The following MGAT5 variants were observed in gnomAD, a reference collection of about 807,000 sequenced individuals.
MGAT5 encodes alpha-1,6-mannosylglycoprotein 6-beta-N-acetylglucosaminyltransferase.
A neutral mutation model predicts 94.3 loss-of-function variants in MGAT5; 30 were observed. That is an observed-to-expected ratio of 0.32 (90% CI 0.24 to 0.43). The LOEUF is 0.43. Among genes scored for constraint, MGAT5 ranks in the 20% least tolerant of loss-of-function variants. The pLI, the probability that MGAT5 is intolerant of heterozygous loss-of-function variation, is 1.00. For synonymous variants in MGAT5, 310 were observed against 322.9 expected (o/e 0.96, Z 0.43); for missense variants, 691 against 905.5 (o/e 0.76, Z 3.04).
chr2:134,406,477 T>C (rs1357076069), intron 11 of MGAT5, among the ~76,000 whole-genome samples: 1 of 152,216 alleles, frequency 6.6e-6, no homozygotes. Flanking sequence ...TGGGCAGGCC[T>C]GGCAAATATG....
intron 1 of MGAT5, among the ~76,000 whole-genome samples, chr2:134,239,331 C>T (rs200918765): frequency 2.9e-5 from 1 of 34,252 alleles, no homozygotes; most frequent in Non-Finnish European, 2.1e-4. Context: ...CTTGGGGTTT[C>T]CCCCTCAGTA....
At chr2:134,148,924 A>G (rs1687049266) in intron 1 of MGAT5, among the ~76,000 whole-genome samples, 1 of 151,706 alleles carries the variant, frequency 6.6e-6, no homozygotes, top group Non-Finnish European at 1.5e-5. Flanking sequence ...ACACCTAGCT[A>G]ATTTTTGTTT....
At chr2:134,208,558 G>T (rs1367148866) in intron 1 of MGAT5, among the ~76,000 whole-genome samples, 1 of 152,170 alleles carries the variant, frequency 6.6e-6, no homozygotes, top group Non-Finnish European at 1.5e-5. Flanking sequence ...GATAGGATAT[G>T]CCTTTATTCC....
intron 2 of MGAT5, among the ~76,000 whole-genome samples, chr2:134,279,766 T>C (rs183052742): frequency 1.3e-5 from 2 of 152,312 alleles, no homozygotes; most frequent in Admixed American, 1.3e-4. Flanking sequence ...TAATGAGGTA[T>C]GTGTATACAG....
At chr2:134,131,198 G>A (rs1055763654) in intron 1 of MGAT5, among the ~76,000 whole-genome samples, 1 of 152,158 alleles carries the variant, frequency 6.6e-6, no homozygotes, top group South Asian at 2.1e-4. Flanking sequence ...GAACATGTCC[G>A]AACATCAGAA....
chr2:134,277,890 T>A (rs1172291991), intron 2 of MGAT5, among the ~76,000 whole-genome samples: 1 of 152,258 alleles, frequency 6.6e-6, no homozygotes, highest in African/African-American at 2.4e-5. Context: ...TTGATCTTTT[T>A]GTGCCTCTGT....
Position 134,422,853 on chromosome 2 carries a change from G to T in MGAT5, c.1728G>T (p.Val576=). 1 of 1,613,984 alleles carries T rather than the reference G, an allele frequency of 6.2e-7. No homozygotes were observed. Among genetic ancestry groups the T allele is most frequent in the Non-Finnish European group, 8.5e-7 (1 of 1,179,878 alleles). ...AAGTTTTCATCGGGCGGCCACATGT[G>T]TGGACTGTTGACCTCAACAATCAGG... ...YAEVFIGRPH[V]WTVDLNNQEE... The change falls in exon 13 of 16, where the codon GTG becomes GTT. Residue 576 remains valine (V), a synonymous_variant. Transcript: ENST00000281923.
rs1686116056 is a variant in MGAT5, at chr2:134,451,656, A to T, written c.*2809A>T. ...TCCATGGGGAGAGAAATCCTAAGTT[A>T]TGATTAATGTTTTTCCCCGCTATAA... is the stretch of plus-strand genomic sequence containing the variant. On this transcript the variant is annotated 3_prime_UTR_variant, in exon 16 of 16. Coordinates refer to ENST00000281923, the MANE Select transcript of MGAT5 (RefSeq NM_002410.5). The T allele has an allele frequency of 6.6e-6, 1 of 152,246 alleles. No homozygotes were observed. The highest frequency in any genetic ancestry group is 2.4e-5 in the African/African-American group (1 of 41,464). 9.4% of individuals were successfully genotyped at this position (152,246 alleles called of 1,614,324 possible).
At chr2:134,217,587 A>G (rs1197423328) in intron 1 of MGAT5, among the ~76,000 whole-genome samples, 2 of 152,240 alleles carry the variant, frequency 1.3e-5, no homozygotes, top group Middle Eastern at 3.2e-3. Context: ...CATTCATTAA[A>G]GTCCTTCATT....
In MGAT5 at chr2:134,246,678, C is replaced by T. The variant is rs540885812; in HGVS notation, c.-142-7584C>T. 8.5e-5 allele frequency among the ~76,000 whole-genome samples: 13 copies of T among 152,356 alleles called. No individual in the cohort carries two copies. The South Asian group carries it at 2.5e-3, about 29-fold the overall frequency. On this transcript the variant is annotated intron_variant, in intron 1 of 16. Transcript: ENST00000409645. ...TTTGGTTTCTGTTTTGTGTTCCATACGGAGAGGTCTCTTCCTTTCTGAGTT... is the reference window on the plus strand; with the variant it reads ...TTTGGTTTCTGTTTTGTGTTCCATATGGAGAGGTCTCTTCCTTTCTGAGTT...
At chr2:134,388,271 C>T (rs1377606437) in intron 10 of MGAT5, among the ~76,000 whole-genome samples, 2 of 152,114 alleles carry the variant, frequency 1.3e-5, no homozygotes, top group Non-Finnish European at 2.9e-5. Context: ...AATGAGCCCC[C>T]ATGTACCTCT....
At chr2:134,197,184 A>G (rs55884301) in intron 1 of MGAT5, among the ~76,000 whole-genome samples, 27,169 of 152,028 alleles carry the variant, frequency 0.18, 2,905 homozygotes, top group African/African-American at 0.28. Context: ...GCAGGTATGT[A>G]TGCCCCAATA....
chr2:134,341,384 A>G (rs968501304), intron 6 of MGAT5, among the ~76,000 whole-genome samples: 4 of 152,202 alleles, frequency 2.6e-5, no homozygotes, highest in African/African-American at 9.6e-5. Flanking sequence ...TAGCCATACC[A>G]AGGGCTGCAG....
intron 12 of MGAT5, among the ~76,000 whole-genome samples, chr2:134,418,278 G>C: frequency 6.6e-6 from 1 of 152,230 alleles, no homozygotes; most frequent in South Asian, 2.1e-4. Flanking sequence ...TCTTCATGCT[G>C]TAAGAAGAGA....
chr2:134,421,441 C>T (rs1684284074), intron 12 of MGAT5, among the ~76,000 whole-genome samples: 1 of 151,960 alleles, frequency 6.6e-6, no homozygotes, highest in Admixed American at 6.6e-5. Context: ...AAAACTTAGC[C>T]AGGCATGGTG....
chr2:134,364,298 G>A (rs1680282365), intron 10 of MGAT5, among the ~76,000 whole-genome samples: 1 of 152,292 alleles, frequency 6.6e-6, no homozygotes, highest in Admixed American at 6.5e-5. Context: ...TCAGGAGTTT[G>A]CAACCAGCCT....
At chr2:134,127,900 G>A (rs1163647558) in intron 1 of MGAT5, among the ~76,000 whole-genome samples, 2 of 152,076 alleles carry the variant, frequency 1.3e-5, no homozygotes, top group Admixed American at 1.3e-4. Context: ...TTGAGGTTCC[G>A]TTTGGTCATT....
chr2:134,134,829 C>T (rs1285131928), intron 1 of MGAT5, among the ~76,000 whole-genome samples: 1 of 152,242 alleles, frequency 6.6e-6, no homozygotes, highest in African/African-American at 2.4e-5. Context: ...ACCCACTAGA[C>T]AATCATGGAC....
At chr2:134,234,934 C>T (rs998915138) in intron 1 of MGAT5, among the ~76,000 whole-genome samples, 2 of 152,092 alleles carry the variant, frequency 1.3e-5, no homozygotes, top group Non-Finnish European at 2.9e-5. Context: ...GCTTCAAGTG[C>T]TTAGGGTGGT....
Sources: allele counts gnomAD v4.1 joint callset (sites outside exome capture counted in the v4.1 genomes callset), GRCh38; gene constraint gnomAD v4.1.1; transcripts MANE v1.5; gene names NCBI Gene and HGNC (gene_info 2026-07-23, HGNC 2026-07-21).